MICU1: variants seen among roughly 807,000 people sequenced by gnomAD.
MICU1 encodes calcium uptake protein 1, mitochondrial.
Under a neutral mutation model 56.8 loss-of-function variants are expected in MICU1, and 45 were observed. The ratio of observed to expected loss-of-function variants is 0.79; its 90% CI spans 0.62 to 1.02. The LOEUF is 1.02. Ranked by LOEUF, MICU1 falls within the 50% of genes least tolerant of loss-of-function variation. The probability of loss-of-function intolerance (pLI) is 0.00; values close to 1 mark genes in which losing one functional copy is unlikely to be tolerated. For synonymous variants in MICU1, 186 were observed against 195.1 expected (o/e 0.95, Z 0.39); for missense variants, 504 against 587.1 (o/e 0.86, Z 1.46).
chr10:72,375,818 ACGTGGTCTGAGAG>A lies in MICU1; in HGVS notation c.1222_1234del (p.Leu408CysfsTer17), dbSNP rs1188798654. The A allele has an allele frequency of 1.2e-6, 2 of 1,613,300 alleles. No individual in the cohort carries two copies. The highest frequency in any genetic ancestry group is 1.7e-6 in the Non-Finnish European group (2 of 1,179,708). ...AAAGAGTGCAAACACCACATCACAC[ACGTGGTCTGAGAG>A]CTCCACTTTAGCCACTGTCCTGGCC... On this transcript the variant is annotated frameshift_variant, in exon 11 of 12. Transcript: ENST00000361114. LOFTEE classifies it high-confidence loss of function.
chr10:72,560,095 C>A (rs764420215), intron 3 of MICU1, among the ~76,000 whole-genome samples: 12 of 151,676 alleles, frequency 7.9e-5, no homozygotes, highest in Non-Finnish European at 1.2e-4. Context: ...CATCACAGGA[C>A]CAGACCAGAG....
chr10:72,374,186 T>A (rs1377243002), intron 11 of MICU1, among the ~76,000 whole-genome samples: 1 of 152,262 alleles, frequency 6.6e-6, no homozygotes, highest in East Asian at 1.9e-4. Flanking sequence ...AGTGGTGTGA[T>A]CATGGCTCAC....
At chr10:72,565,728 T>C (rs1242647847) in intron 2 of MICU1, among the ~76,000 whole-genome samples, 2 of 151,804 alleles carry the variant, frequency 1.3e-5, no homozygotes, top group Non-Finnish European at 2.9e-5. Flanking sequence ...TACTTGAGAA[T>C]TGCTTGAACC....
At chr10:72,578,019 A>T (rs1233873739) in intron 1 of MICU1, among the ~76,000 whole-genome samples, 2 of 152,210 alleles carry the variant, frequency 1.3e-5, no homozygotes, top group Non-Finnish European at 2.9e-5. Flanking sequence ...TTTTGAAAGA[A>T]ATTACCTGGG....
intron 1 of MICU1, among the ~76,000 whole-genome samples, chr10:72,595,608 A>T (rs544311544): frequency 1.3e-5 from 2 of 152,236 alleles, no homozygotes; most frequent in South Asian, 4.1e-4. Flanking sequence ...AATCTAAACA[A>T]CCACTTCTTC....
chr10:72,441,368 G>A (rs11000299), intron 8 of MICU1, among the ~76,000 whole-genome samples: 1 of 147,576 alleles, frequency 6.8e-6, no homozygotes, highest in Admixed American at 6.8e-5. Flanking sequence ...GAGGTCACTT[G>A]AACAGGGCAG....
intron 1 of MICU1, among the ~76,000 whole-genome samples, chr10:72,596,254 C>T (rs1272458801): frequency 6.6e-6 from 1 of 152,064 alleles, no homozygotes. Context: ...GGATTACAGG[C>T]GTGAGCCACT....
In MICU1 at chr10:72,512,100, G is replaced by GTTTTTTTTTTTTTTTTTTTTTTTT. The variant is rs1199987987; in HGVS notation, c.538-3832_538-3831insAAAAAAAAAAAAAAAAAAAAAAAA. Among the ~76,000 whole-genome samples the GTTTTTTTTTTTTTTTTTTTTTTTT allele has an allele frequency of 1.6e-4, 13 of 82,336 alleles. 2 individuals are homozygous for GTTTTTTTTTTTTTTTTTTTTTTTT. The highest frequency in any genetic ancestry group is 6.4e-4 in the African/African-American group (11 of 17,242). 54.0% of individuals were successfully genotyped at this position (82,336 alleles called of 152,430 possible). A position where few individuals can be genotyped will look rare whatever the true frequency, so the allele number is the denominator to read the frequency against. On this transcript the variant is annotated intron_variant, in intron 5 of 11. Transcript: ENST00000361114. ...ATCAATCTGGCATCCATACACAGTT[G>GTTTTTTTTTTTTTTTTTTTTTTTT]TTTTTTGTTTTTTTTTTTTTTTTTT...
chr10:72,443,530 C>A (rs1865008370), intron 8 of MICU1, among the ~76,000 whole-genome samples: 1 of 152,132 alleles, frequency 6.6e-6, no homozygotes, highest in Non-Finnish European at 1.5e-5. Context: ...TTTAATCCAT[C>A]TTGAATTGAT....
intron 8 of MICU1, among the ~76,000 whole-genome samples, chr10:72,433,437 T>A (rs1359059007): frequency 6.6e-6 from 1 of 151,368 alleles, no homozygotes; most frequent in Non-Finnish European, 1.5e-5. Flanking sequence ...GTATTTTTTT[T>A]TTTTTTTTGA....
chr10:72,453,681 C>G (rs1468807473), intron 8 of MICU1, among the ~76,000 whole-genome samples: 1 of 151,928 alleles, frequency 6.6e-6, no homozygotes, highest in African/African-American at 2.4e-5. Context: ...AGGCTTGCAC[C>G]ACCACGCCGG....
chr10:72,559,301 T>C (rs1281521559), intron 3 of MICU1, among the ~76,000 whole-genome samples: 2 of 152,198 alleles, frequency 1.3e-5, no homozygotes, highest in Non-Finnish European at 1.5e-5. Context: ...ATAAAAGCAA[T>C]GTATTTTTAA....
intron 1 of MICU1, among the ~76,000 whole-genome samples, chr10:72,617,064 T>G (rs558689241): frequency 6.6e-6 from 1 of 152,332 alleles, no homozygotes; most frequent in South Asian, 2.1e-4. Flanking sequence ...GTTTTACACA[T>G]TTTTGTCTGC....
At chr10:72,386,557 ATTTTTT>A (rs34210330) in intron 10 of MICU1, among the ~76,000 whole-genome samples, 21 of 120,184 alleles carry the variant, frequency 1.7e-4, no homozygotes, top group South Asian at 1.1e-3. Flanking sequence ...CCCGCCACCT[ATTTTTT>A]TTTTTTTTTT....
intron 4 of MICU1, among the ~76,000 whole-genome samples, chr10:72,539,512 A>G (rs973571159): frequency 6.6e-5 from 10 of 152,352 alleles, no homozygotes; most frequent in African/African-American, 2.4e-4. Flanking sequence ...GAAATTAAAA[A>G]GAAAATTTTA....
At chr10:72,535,592 T>C (rs1162127544) in intron 4 of MICU1, among the ~76,000 whole-genome samples, 1 of 152,002 alleles carries the variant, frequency 6.6e-6, no homozygotes, top group Non-Finnish European at 1.5e-5. Context: ...TCTAAGCATA[T>C]TGAACAAAAA....
chr10:72,474,755 C>T (rs1229681590), intron 8 of MICU1, among the ~76,000 whole-genome samples: 1 of 152,206 alleles, frequency 6.6e-6, no homozygotes, highest in Non-Finnish European at 1.5e-5. Flanking sequence ...TCTTCATCTC[C>T]ATCTTCTGGT....
chr10:72,372,322 C>T (rs376075590), intron 11 of MICU1, among the ~76,000 whole-genome samples: 5 of 152,048 alleles, frequency 3.3e-5, no homozygotes, highest in South Asian at 2.1e-4. Flanking sequence ...GAGCTATGAT[C>T]GCACCACCAC....
chr10:72,569,225 A>ATTTTTTTTT (rs1320606721), intron 1 of MICU1, among the ~76,000 whole-genome samples: 8 of 40,504 alleles, frequency 2.0e-4, no homozygotes, highest in African/African-American at 8.3e-4. Context: ...ATATATATAT[A>ATTTTTTTTT]TATATATATA....
Sources: allele counts gnomAD v4.1 joint callset (sites outside exome capture counted in the v4.1 genomes callset), GRCh38; gene constraint gnomAD v4.1.1; transcripts MANE v1.5; gene names NCBI Gene and HGNC (gene_info 2026-07-23, HGNC 2026-07-21).